COL4A4: variants seen among roughly 807,000 people sequenced by gnomAD.
The protein encoded by COL4A4 is collagen alpha-4(IV) chain.
COL4A4 carries 105 observed loss-of-function variants against 192.9 expected under a neutral mutation model. The observed-to-expected ratio is 0.54, with a 90% CI of 0.46 to 0.64. The LOEUF is 0.64. COL4A4 is among the 30% of genes least tolerant of loss of function. The pLI is 0.00. For synonymous variants in COL4A4, 762 were observed against 769.9 expected, an observed-to-expected ratio of 0.99 and a Z score of 0.17; for missense variants, 1,967 against 2,169.3, an observed-to-expected ratio of 0.91 and a Z score of 1.85.
chr2:227,018,284 T>C (rs1010965624), intron 44 of COL4A4, among the ~76,000 whole-genome samples: 2 of 152,020 alleles, frequency 1.3e-5, no homozygotes, highest in Non-Finnish European at 2.9e-5. Flanking sequence ...CAGGCTGGAG[T>C]GGTGTATATG....
chr2:227,004,994 A>G lies in COL4A4; in HGVS notation c.*2331T>C, dbSNP rs997057048. ...CATTGATATATAACCAGGTGAAGAAAATAATGGTTTAAGGTAACAGGATCT... is the reference window on the plus strand; with the variant it reads ...CATTGATATATAACCAGGTGAAGAAGATAATGGTTTAAGGTAACAGGATCT... On this transcript the variant is annotated 3_prime_UTR_variant, in exon 48 of 48. Coordinates refer to ENST00000396625, the MANE Select transcript of COL4A4 (RefSeq NM_000092.5). The G allele has an allele frequency of 6.6e-6, 1 of 152,228 alleles. No individual in the cohort carries two copies. The highest frequency in any genetic ancestry group is 2.1e-4 in the South Asian group (1 of 4,830). 9.4% of individuals were successfully genotyped at this position (152,228 alleles called of 1,614,324 possible).
chr2:227,120,161 C>A (rs2061698377), intron 5 of COL4A4, among the ~76,000 whole-genome samples: 1 of 152,076 alleles, frequency 6.6e-6, no homozygotes, highest in African/African-American at 2.4e-5. Flanking sequence ...TTAAGTAAAT[C>A]ATTCAACATG....
the COL4A4 span, among the ~76,000 whole-genome samples, chr2:226,987,638 C>A: frequency 6.6e-6 from 1 of 152,176 alleles, no homozygotes; most frequent in East Asian, 1.9e-4. Context: ...GAGGTCCAGG[C>A]CCCCCTCTGG....
chr2:227,095,004 A>C (rs1361752192), intron 19 of COL4A4, among the ~76,000 whole-genome samples: 1 of 152,234 alleles, frequency 6.6e-6, no homozygotes, highest in Non-Finnish European at 1.5e-5. Flanking sequence ...AAGAAAAAAC[A>C]TAGCTCAAAA....
chr2:226,992,611 G>A, the COL4A4 span, among the ~76,000 whole-genome samples: 110 of 152,258 alleles, frequency 7.2e-4, no homozygotes, highest in Admixed American at 1.1e-3. Context: ...TTAGAGTTAC[G>A]TCTTTGATAT....
chr2:227,120,283 G>T (rs767021451), intron 5 of COL4A4, among the ~76,000 whole-genome samples: 1 of 152,138 alleles, frequency 6.6e-6, no homozygotes, highest in Non-Finnish European at 1.5e-5. Context: ...ACCCAAAGTT[G>T]GGGTAGAATC....
At chr2:227,104,254 A>G in intron 12 of COL4A4, 1 of 587,082 alleles carries the variant, frequency 1.7e-6, no homozygotes, top group Non-Finnish European at 3.0e-6. Flanking sequence ...AAATAAATTT[A>G]AAAAATGAAA....
chr2:227,101,538 C>G lies in COL4A4; in HGVS notation c.995G>C (p.Gly332Ala). 6.2e-7 allele frequency: 1 copy of G among 1,612,506 alleles called. No individual in the cohort carries two copies. ...PGLKGELGLV[G>A]DPGLFGLIGP... ...AATTAATCCAAATAGCCCAGGATCT[C>G]CAACCAGTCCTAGTTCTCCCTACAA... The change falls in exon 17 of 48, where the codon GGA becomes GCA. Residue 332 changes from glycine (G) to alanine (A), a missense_variant. By Grantham distance (60) the Gly-to-Ala change is moderately conservative. Transcript: ENST00000396625.
chr2:227,130,008 T>A (rs1188877674), intron 4 of COL4A4, among the ~76,000 whole-genome samples: 1 of 152,170 alleles, frequency 6.6e-6, no homozygotes, highest in Non-Finnish European at 1.5e-5. Flanking sequence ...ACAACATCAC[T>A]CACGAATCCT....
chr2:227,023,843 C>T (rs1440783768), intron 43 of COL4A4, among the ~76,000 whole-genome samples: 1 of 151,966 alleles, frequency 6.6e-6, no homozygotes, highest in Non-Finnish European at 1.5e-5. Flanking sequence ...GAAACCCTGT[C>T]TCTACTAAAA....
Position 227,144,565 on chromosome 2 carries a change from A to G in COL4A4, c.72-7T>C. 1 of 1,593,930 alleles carries G rather than the reference A, an allele frequency of 6.3e-7. No individual in the cohort carries two copies. The highest frequency in any genetic ancestry group is 1.1e-5 in the South Asian group (1 of 90,588). ...GAGAATGAGTATAAGTGACCTACAG[A>G]AAAACAAAAACGCAGATTAATTTAA... On this transcript the variant is annotated splice_region_variant and splice_polypyrimidine_tract_variant and intron_variant, in intron 2 of 47. Coordinates refer to ENST00000396625, the MANE Select transcript of COL4A4 (RefSeq NM_000092.5).
Position 227,006,438 on chromosome 2 carries a change from G to A in COL4A4, c.*887C>T, listed in dbSNP as rs1383884677. On this transcript the variant is annotated 3_prime_UTR_variant, in exon 48 of 48. Transcript: ENST00000396625. ...ACGCACCTGTGACACGCCGGACCCC[G>A]ACTGGGGAAAAGCAGTCTGTCTGGA... is the stretch of plus-strand genomic sequence containing the variant. The A allele has an allele frequency of 6.6e-6, 1 of 152,638 alleles. No homozygotes were observed. Among genetic ancestry groups the A allele is most frequent in the Non-Finnish European group, 1.5e-5 (1 of 68,050 alleles). The allele number at this position is 152,638 out of a possible 1,614,324, so 9.5% of individuals were successfully genotyped here.
intron 22 of COL4A4, among the ~76,000 whole-genome samples, chr2:227,085,751 C>T (rs903000415): frequency 1.3e-5 from 2 of 152,148 alleles, no homozygotes; most frequent in Admixed American, 6.5e-5. Flanking sequence ...CTAAGCCATT[C>T]GTGAGGGATC....
chr2:227,082,217 G>A (rs370798548), intron 22 of COL4A4, 30 bp from the exon 23 acceptor site: 45 of 1,562,702 alleles, frequency 2.9e-5, no homozygotes, highest in Non-Finnish European at 3.4e-5. Context: ...AACAAATTAG[G>A]TTAATTGTGA....
rs1195020727 is a variant in COL4A4, at chr2:227,119,983, T to C, written c.328-44A>G. 14 of 1,394,490 alleles carry C rather than the reference T, an allele frequency of 1.0e-5. 1 individual carries two copies. The Admixed American group carries it at 2.6e-4, about 26-fold the overall frequency. The allele number at this position is 1,394,490 out of a possible 1,614,324, so 86.4% of individuals were successfully genotyped here. On this transcript the variant is annotated intron_variant, in intron 5 of 47. Coordinates refer to ENST00000396625, the MANE Select transcript of COL4A4 (RefSeq NM_000092.5). ...AAACAAAGAGATAAAAATTATTAAA[T>C]TAATAAGCTGATTTACTTGAAAATA...
chr2:227,098,610 CAGCTACAGTTGAA>C, intron 19 of COL4A4, 71 bp downstream of exon 19: 2 of 1,019,794 alleles, frequency 2.0e-6, no homozygotes, highest in Non-Finnish European at 3.1e-6. Flanking sequence ...ATTCCAATAT[CAGCTACAGTTGAA>C]AGCTACTGGT....
Position 227,109,233 on chromosome 2 carries a change from T to G in COL4A4, c.648A>C (p.Pro216=), listed in dbSNP as rs2061037920. ...GCAGTGCTGTACTTACCACTAACCC[T>G]GGCTCTCCAGGATATCCTGTGGGAC... ...PAGPTGYPGE[P]GLVGPPGQPG... Residue 216 remains proline (P), a synonymous_variant, in exon 10 of 48, where the codon CCA becomes CCC. Coordinates refer to ENST00000396625, the MANE Select transcript of COL4A4 (RefSeq NM_000092.5). 1 of 1,613,886 alleles carries G rather than the reference T, an allele frequency of 6.2e-7. No homozygotes were observed. Among genetic ancestry groups the G allele is most frequent in the African/African-American group, 1.3e-5 (1 of 74,928 alleles).
rs1968542557 is a variant in COL4A4, at chr2:227,032,068, A to G, written c.3707-13T>C. Reference sequence around the variant, plus strand: ...GGTCCTGAACTCCCTAAGAAGAGACATGTTCACATGTTATCCTCATTGCAT... The same window carrying G: ...GGTCCTGAACTCCCTAAGAAGAGACGTGTTCACATGTTATCCTCATTGCAT... On this transcript the variant is annotated splice_polypyrimidine_tract_variant and intron_variant, in intron 39 of 47. Coordinates refer to ENST00000396625, the MANE Select transcript of COL4A4 (RefSeq NM_000092.5). 6.2e-7 allele frequency: 1 copy of G among 1,612,654 alleles called. No homozygotes were observed. Among genetic ancestry groups the G allele is most frequent in the Non-Finnish European group, 8.5e-7 (1 of 1,178,706 alleles).
At chr2:227,147,699 T>G in intron 1 of COL4A4, 115 bp from the exon 2 acceptor site, 1 of 482,812 alleles carries the variant, frequency 2.1e-6, no homozygotes, top group Non-Finnish European at 3.8e-6. Context: ...TCAACAATCT[T>G]TCCTTAGTGA....
Sources: gnomAD v4.1 joint callset for allele counts (sites outside exome capture counted in the v4.1 genomes callset) on GRCh38, gnomAD v4.1.1 for gene constraint, MANE v1.5 for transcripts, NCBI Gene and HGNC (gene_info 2026-07-23, HGNC 2026-07-21) for gene names.